The following LRRC28 variants were observed in gnomAD, a reference collection of about 807,000 sequenced individuals.
LRRC28 encodes the protein leucine-rich repeat-containing protein 28.
A neutral mutation model predicts 45.7 loss-of-function variants in LRRC28; 39 were observed. The ratio of observed to expected loss-of-function variants is 0.85; its 90% CI spans 0.66 to 1.12. The LOEUF is 1.12. LRRC28 is among the 50% of genes most tolerant of loss of function. The pLI is 0.00. For missense variants in LRRC28, 435 were observed against 438.5 expected, an observed-to-expected ratio of 0.99 and a Z score of 0.07; for synonymous variants, 206 against 178.8, an observed-to-expected ratio of 1.15 and a Z score of -1.22.
At chr15:99,272,794 T>C (rs775525492) in intron 2 of LRRC28, among the ~76,000 whole-genome samples, 35 of 152,212 alleles carry the variant, frequency 2.3e-4, no homozygotes, top group Non-Finnish European at 4.0e-4. Flanking sequence ...ACATGTTATG[T>C]TTATCTGATA....
intron 3 of LRRC28, among the ~76,000 whole-genome samples, chr15:99,278,926 C>T (rs1007518634): frequency 2.0e-5 from 3 of 152,232 alleles, no homozygotes; most frequent in Admixed American, 6.5e-5. Flanking sequence ...AACTGAAGGA[C>T]TCCATTTCTT....
intron 3 of LRRC28, 136 bp downstream of exon 3, chr15:99,276,752 A>G (rs1189021005): frequency 1.8e-6 from 1 of 556,228 alleles, no homozygotes; most frequent in Non-Finnish European, 2.9e-6. Flanking sequence ...ATGTAGGTAG[A>G]CCTGTGGTTC....
At chr15:99,375,062 A>G (rs978066485) in intron 9 of LRRC28, among the ~76,000 whole-genome samples, 41 of 152,232 alleles carry the variant, frequency 2.7e-4, no homozygotes, top group African/African-American at 8.4e-4. Context: ...TAAGTGTAAT[A>G]TAATTTTAAT....
intron 5 of LRRC28, among the ~76,000 whole-genome samples, chr15:99,299,213 G>A (rs2082337817): frequency 1.3e-5 from 2 of 152,200 alleles, no homozygotes; most frequent in African/African-American, 4.8e-5. Context: ...TGATAAATAC[G>A]TTAACAAAGA....
At chr15:99,275,810 C>T (rs1313009197) in intron 2 of LRRC28, among the ~76,000 whole-genome samples, 2 of 152,142 alleles carry the variant, frequency 1.3e-5, no homozygotes, top group African/African-American at 4.8e-5. Flanking sequence ...TTTATTTCTT[C>T]CATGACCATG....
At chr15:99,333,359 C>A (rs1218283515) in intron 5 of LRRC28, among the ~76,000 whole-genome samples, 2 of 152,166 alleles carry the variant, frequency 1.3e-5, no homozygotes, top group South Asian at 4.1e-4. Context: ...CATGCCTAAA[C>A]GGTATCTAAA....
At chr15:99,276,143 C>G (rs545456995) in intron 2 of LRRC28, among the ~76,000 whole-genome samples, 121 of 152,028 alleles carry the variant, frequency 8.0e-4, no homozygotes, top group Non-Finnish European at 6.5e-4. Context: ...ATGGGACCAT[C>G]TAGTTGCAGG....
chr15:99,277,831 T>C (rs893971164), intron 3 of LRRC28, among the ~76,000 whole-genome samples: 2 of 152,186 alleles, frequency 1.3e-5, no homozygotes, highest in Non-Finnish European at 2.9e-5. Flanking sequence ...CTTTCCATCT[T>C]TTTAGTCTAC....
chr15:99,377,849 T>C (rs1302718403), intron 9 of LRRC28, among the ~76,000 whole-genome samples: 1 of 152,198 alleles, frequency 6.6e-6, no homozygotes, highest in African/African-American at 2.4e-5. Flanking sequence ...GATCAGATGG[T>C]TGTAGATGTG....
At chr15:99,283,056 C>G (rs2081851668) in intron 3 of LRRC28, among the ~76,000 whole-genome samples, 1 of 151,986 alleles carries the variant, frequency 6.6e-6, no homozygotes, top group Admixed American at 6.6e-5. Context: ...CCATGCCCAG[C>G]TAATTTTTGT....
chr15:99,287,417 T>A (rs1244687368), intron 4 of LRRC28, 123 bp downstream of exon 4: 1 of 640,206 alleles, frequency 1.6e-6, no homozygotes, highest in African/African-American at 1.9e-5. Context: ...TTTCTTCTAA[T>A]AAGTCCAGTT....
intron 3 of LRRC28, chr15:99,284,674 A>C (rs1283824002): frequency 3.9e-6 from 2 of 516,022 alleles, no homozygotes; most frequent in Non-Finnish European, 7.7e-6. Flanking sequence ...TGGCATAGCC[A>C]CTTTGGTTTC....
chr15:99,298,755 C>T (rs2082327063), intron 5 of LRRC28, among the ~76,000 whole-genome samples: 1 of 152,182 alleles, frequency 6.6e-6, no homozygotes, highest in East Asian at 1.9e-4. Context: ...GTTGCGCAGG[C>T]TGGAGTGCAG....
rs548984398 is a variant in LRRC28 at position 99,318,433 on chromosome 15, T to C, written c.386-15490T>C. On this transcript the variant is annotated intron_variant, in intron 5 of 9. Transcript: ENST00000301981. ...GAGGCACCATTAAATAATTAATTTT[T>C]ATTATAGAAGTAGTTCATAGCAATA... Among the ~76,000 whole-genome samples, 5 of 152,222 alleles carry C rather than the reference T, an allele frequency of 3.3e-5. No homozygotes were observed. The South Asian group carries it at 1.0e-3, about 32-fold the overall frequency.
At chr15:99,275,436 C>T (rs1597207131) in intron 2 of LRRC28, among the ~76,000 whole-genome samples, 1 of 152,200 alleles carries the variant, frequency 6.6e-6, no homozygotes. Flanking sequence ...CTCCAGCTTC[C>T]CCTGTTCATT....
In LRRC28 at chr15:99,287,794, T is replaced by G. The variant is rs2081997746; in HGVS notation, c.248-20T>G. ...ATACTTGAGTCAAATTCATTTTGCC[T>G]TCTCCTTTTCTCTTTGAAGCCATTG... On this transcript the variant is annotated intron_variant, in intron 4 of 9. Transcript: ENST00000301981. 1.9e-6 allele frequency: 3 copies of G among 1,581,688 alleles called. No individual in the cohort carries two copies. The Admixed American group carries it at 5.5e-5, about 29-fold the overall frequency.
At chr15:99,344,199 T>C (rs116847443) in intron 6 of LRRC28, among the ~76,000 whole-genome samples, 1,849 of 152,366 alleles carry the variant, frequency 0.012, 20 homozygotes, top group Non-Finnish European at 0.02. Context: ...CTGGGCACTA[T>C]ATACGTTGTT....
intron 2 of LRRC28, among the ~76,000 whole-genome samples, chr15:99,261,305 G>T (rs1199824001): frequency 6.6e-6 from 1 of 152,242 alleles, no homozygotes; most frequent in African/African-American, 2.4e-5. Flanking sequence ...AGTTTGTGAA[G>T]CAACCAACAT....
At chr15:99,265,339 T>C (rs536171050) in intron 2 of LRRC28, among the ~76,000 whole-genome samples, 1 of 152,210 alleles carries the variant, frequency 6.6e-6, no homozygotes, top group South Asian at 2.1e-4. Flanking sequence ...CTGAGTTGGA[T>C]TGGAGGCAAA....
Sources: gnomAD v4.1 joint callset for allele counts (sites outside exome capture counted in the v4.1 genomes callset) on GRCh38, gnomAD v4.1.1 for gene constraint, MANE v1.5 for transcripts, NCBI Gene and HGNC (gene_info 2026-07-23, HGNC 2026-07-21) for gene names.